The following LOC128125822 variants were observed in gnomAD, a reference collection of about 807,000 sequenced individuals.
the LOC128125822 span, chr6:63,582,165 T>G: frequency 6.6e-6 from 1 of 152,102 alleles, no homozygotes; most frequent in Non-Finnish European, 1.5e-5. Context: ...ATCACAAATT[T>G]TTGGCTAATT....
At chr6:63,583,567 A>G in the LOC128125822 span, 2 of 152,210 alleles carry the variant, frequency 1.3e-5, no homozygotes, top group Admixed American at 6.5e-5. Context: ...TAACCAGTTA[A>G]TAAATTGATA....
At chr6:63,576,982 A>C in the LOC128125822 span, 61 of 1,605,490 alleles carry the variant, frequency 3.8e-5, no homozygotes, top group Admixed American at 6.7e-5. Flanking sequence ...ACAAATTTAT[A>C]GAGGTAAGAT....
At chr6:63,576,016 CAT>C in the LOC128125822 span, among the ~76,000 whole-genome samples, 51 of 151,326 alleles carry the variant, frequency 3.4e-4, no homozygotes, top group Admixed American at 2.6e-3. Context: ...GAAAAATCAA[CAT>C]AAAGTGTATG....
At chr6:63,573,049 C>G in the LOC128125822 span, among the ~76,000 whole-genome samples, 2 of 152,066 alleles carry the variant, frequency 1.3e-5, no homozygotes, top group African/African-American at 4.8e-5. Context: ...GCTTCCGCAG[C>G]GGGCCGGGTG....
At chr6:63,575,582 TCAA>T in the LOC128125822 span, among the ~76,000 whole-genome samples, 2 of 152,212 alleles carry the variant, frequency 1.3e-5, no homozygotes, top group Admixed American at 6.5e-5. Flanking sequence ...ACTTCCACCT[TCAA>T]CATCCCTTTG....
chr6:63,583,270 C>T, the LOC128125822 span: 2 of 152,200 alleles, frequency 1.3e-5, no homozygotes, highest in African/African-American at 4.8e-5. Context: ...GAAGTAGTGT[C>T]TGCCATACAT....
At chr6:63,579,392 A>G in the LOC128125822 span, 5 of 1,280,082 alleles carry the variant, frequency 3.9e-6, no homozygotes, top group Non-Finnish European at 4.4e-6. Context: ...AGTGTCAGTG[A>G]GTTTAATAGT....
chr6:63,579,453 C>A, the LOC128125822 span: 2 of 648,056 alleles, frequency 3.1e-6, no homozygotes, highest in Non-Finnish European at 4.8e-6. Flanking sequence ...GTATTAAAAC[C>A]AGGAAATCAA....
At chr6:63,580,415 G>C in the LOC128125822 span, 1 of 431,746 alleles carries the variant, frequency 2.3e-6, no homozygotes, top group Non-Finnish European at 4.2e-6. Context: ...CTTGTCATTT[G>C]TATCAATTGA....
At chr6:63,577,458 A>G in the LOC128125822 span, among the ~76,000 whole-genome samples, 1 of 152,248 alleles carries the variant, frequency 6.6e-6, no homozygotes. Flanking sequence ...AAGGAATTGA[A>G]TGCTGAATAA....
chr6:63,583,094 G>GT, the LOC128125822 span: 3 of 152,130 alleles, frequency 2.0e-5, no homozygotes, highest in African/African-American at 7.2e-5. Flanking sequence ...TCACCAATGA[G>GT]TACCCGACCC....
the LOC128125822 span, among the ~76,000 whole-genome samples, chr6:63,577,991 G>GTATTT: frequency 0.53 from 80,761 of 151,108 alleles, 23,314 homozygotes; most frequent in African/African-American, 0.76. Flanking sequence ...TTCATTCAAT[G>GTATTT]TAAATCAGTA....
At chr6:63,573,331 G>C in the LOC128125822 span, 1 of 152,446 alleles carries the variant, frequency 6.6e-6, no homozygotes, top group Admixed American at 6.5e-5. Context: ...AGGCACGGGT[G>C]GTAACGATCT....
the LOC128125822 span, chr6:63,573,308 A>T: frequency 6.6e-6 from 1 of 151,950 alleles, no homozygotes; most frequent in Admixed American, 6.6e-5. Context: ...GGCGTGGGGT[A>T]GGCCGGACAG....
At chr6:63,576,151 A>G in the LOC128125822 span, among the ~76,000 whole-genome samples, 1 of 150,726 alleles carries the variant, frequency 6.6e-6, no homozygotes, top group African/African-American at 2.4e-5. Flanking sequence ...ATGAATATAT[A>G]TATGAATTTC....
the LOC128125822 span, chr6:63,579,116 A>G: frequency 1.4e-6 from 2 of 1,399,218 alleles, no homozygotes; most frequent in Non-Finnish European, 1.9e-6. Context: ...ATTTTTTAAT[A>G]TAAAGTCAAC....
the LOC128125822 span, among the ~76,000 whole-genome samples, chr6:63,575,997 TGTTA>T: frequency 1.7e-4 from 26 of 151,944 alleles, 1 homozygote; most frequent in South Asian, 6.2e-4. Flanking sequence ...AAAATGTTTT[TGTTA>T]GTTGGAAAAA....
the LOC128125822 span, among the ~76,000 whole-genome samples, chr6:63,577,264 T>G: frequency 6.6e-6 from 1 of 152,328 alleles, no homozygotes; most frequent in East Asian, 1.9e-4. Context: ...GAAATTTACA[T>G]GGGAAAGGTT....
chr6:63,580,828 C>G, the LOC128125822 span: 1 of 151,802 alleles, frequency 6.6e-6, no homozygotes, highest in Non-Finnish European at 1.5e-5. Flanking sequence ...TGAAAATCTA[C>G]GTTGTACAGA....
Sources: allele counts gnomAD v4.1 joint callset (sites outside exome capture counted in the v4.1 genomes callset), GRCh38; gene constraint gnomAD v4.1.1; transcripts MANE v1.5.